Variants in AXDND1 observed in about 807,000 individuals in gnomAD.
AXDND1 encodes the protein axonemal dynein light chain domain containing 1, also known as axonemal dynein light chain domain-containing protein 1.
AXDND1 carries 110 observed loss-of-function variants against 137.5 expected under a neutral mutation model. That is an observed-to-expected ratio of 0.80 (90% confidence interval 0.69 to 0.94). The LOEUF (loss-of-function observed/expected upper bound fraction) is 0.94. Ranked by LOEUF, AXDND1 falls within the 40% of genes least tolerant of loss-of-function variation. The probability of loss-of-function intolerance (pLI) is 0.00; values close to 1 mark genes in which losing one functional copy is unlikely to be tolerated. For missense variants in AXDND1, 1,191 were observed against 1,169.8 expected (o/e 1.02, Z -0.26); for synonymous variants, 414 against 399.7 (o/e 1.04, Z -0.43).
intron 16 of AXDND1, among the ~76,000 whole-genome samples, chr1:179,465,195 A>G (rs939739650): frequency 1.3e-5 from 2 of 152,062 alleles, no homozygotes; most frequent in South Asian, 2.1e-4. Flanking sequence ...AGGAGAAGAG[A>G]TGCTCTGATT....
intron 20 of AXDND1, among the ~76,000 whole-genome samples, chr1:179,501,270 T>G (rs938834498): frequency 6.6e-6 from 1 of 152,174 alleles, no homozygotes; most frequent in Non-Finnish European, 1.5e-5. Flanking sequence ...ATTTTAAACT[T>G]CTTGTAAAGC....
At position 179,491,553 on chromosome 1, in the gene AXDND1, A is replaced by T; in HGVS notation, c.2107A>T (p.Ile703Leu). 6.2e-7 allele frequency: 1 copy of T among 1,604,644 alleles called. No homozygotes were observed. The highest frequency in any genetic ancestry group is 8.5e-7 in the Non-Finnish European group (1 of 1,171,884). Residue 703 changes from isoleucine (I) to leucine (L), a missense_variant, in exon 19 of 26, where the codon ATA (isoleucine) becomes TTA (leucine). Physicochemically the swap from Ile to Leu is conservative, Grantham distance 5. Coordinates refer to ENST00000367618, the MANE Select transcript of AXDND1 (RefSeq NM_144696.6). ...ELQHHMDELH[I>L]SMIQWMVNLL... ...TTTTTAACAGATGGATGAGTTACATATATCTATGATCCAGTGGATGGTAAA... is the reference window on the plus strand; with the variant it reads ...TTTTTAACAGATGGATGAGTTACATTTATCTATGATCCAGTGGATGGTAAA...
At chr1:179,366,833 G>T (rs549717302) in intron 2 of AXDND1, among the ~76,000 whole-genome samples, 62 of 152,050 alleles carry the variant, frequency 4.1e-4, no homozygotes, top group Non-Finnish European at 5.9e-4. Context: ...TTCAAATGTT[G>T]ATTTATATAT....
Position 179,509,664 on chromosome 1 carries a change from T to G in AXDND1, c.2496+261T>G, listed in dbSNP as rs145218707. 3.5e-3 allele frequency among the ~76,000 whole-genome samples: 531 copies of G among 152,296 alleles called. 3 individuals are homozygous for G. The highest frequency in any genetic ancestry group is 0.012 in the African/African-American group (503 of 41,554). ...GTTTCAGGTAGAAGCTCCCTGCCAC[T>G]TCCTGAGGCATATCCTCAGGTTCAT... is the stretch of plus-strand genomic sequence containing the variant. On this transcript the variant is annotated intron_variant, in intron 21 of 25. Transcript: ENST00000367618.
intron 23 of AXDND1, among the ~76,000 whole-genome samples, chr1:179,529,368 C>T (rs1212328589): frequency 1.3e-5 from 2 of 152,196 alleles, no homozygotes; most frequent in South Asian, 2.1e-4. Context: ...CTCTTGGCCC[C>T]CTACAAATTT....
chr1:179,453,264 A>G (rs1660807742), intron 16 of AXDND1: 1 of 152,240 alleles, frequency 6.6e-6, no homozygotes, highest in Non-Finnish European at 1.5e-5. Flanking sequence ...GGCACAGCCT[A>G]GTGGAGTTAT....
intron 12 of AXDND1, among the ~76,000 whole-genome samples, chr1:179,418,015 C>A (rs1289882842): frequency 7.1e-6 from 1 of 141,234 alleles, no homozygotes; most frequent in African/African-American, 2.6e-5. Context: ...TTTTATTGAT[C>A]ATTCTTGGGT....
At chr1:179,448,890 A>ATT (rs34365013) in intron 16 of AXDND1, 15 of 156,558 alleles carry the variant, frequency 9.6e-5, no homozygotes, top group South Asian at 3.1e-4. Flanking sequence ...TTTTGAGTTA[A>ATT]TTTTTTTTTT....
intron 15 of AXDND1, among the ~76,000 whole-genome samples, chr1:179,434,214 C>T (rs991583977): frequency 6.6e-6 from 1 of 151,860 alleles, no homozygotes; most frequent in Non-Finnish European, 1.5e-5. Flanking sequence ...TAATTAATAA[C>T]CTACCAACCA....
chr1:179,460,009 TC>T (rs201781379), intron 16 of AXDND1, among the ~76,000 whole-genome samples: 18,794 of 136,966 alleles, frequency 0.14, 1,448 homozygotes, highest in East Asian at 0.34. Flanking sequence ...CCTTCCTTCC[TC>T]TCCTTCCTTC....
At chr1:179,454,109 G>C (rs777095070) in intron 16 of AXDND1, 1 of 152,204 alleles carries the variant, frequency 6.6e-6, no homozygotes, top group Non-Finnish European at 1.5e-5. Flanking sequence ...AGATTTGGGA[G>C]GGGCCAGGGA....
rs116244955 is a variant in AXDND1 at position 179,442,282 on chromosome 1, C to T, written c.1564-2688C>T. On this transcript the variant is annotated intron_variant, in intron 15 of 25. Coordinates refer to ENST00000367618, the MANE Select transcript of AXDND1 (RefSeq NM_144696.6). ...TTTTCAATTGGAGCTGTGGGTGGGA[C>T]GACAGATTCTTTCAGATTTTTAGAT... Among the ~76,000 whole-genome samples the T allele has an allele frequency of 5.2e-3, 785 of 152,270 alleles. 6 individuals carry two copies. The highest frequency in any genetic ancestry group is 0.018 in the African/African-American group (738 of 41,548).
intron 21 of AXDND1, among the ~76,000 whole-genome samples, chr1:179,511,394 GT>G (rs1669046240): frequency 9.6e-5 from 1 of 10,452 alleles, no homozygotes; most frequent in African/African-American, 2.4e-4. Flanking sequence ...GGTATATGGG[GT>G]GTGTGTGTGT....
intron 16 of AXDND1, among the ~76,000 whole-genome samples, chr1:179,461,781 G>A (rs1055690947): frequency 1.3e-5 from 2 of 152,110 alleles, no homozygotes; most frequent in Non-Finnish European, 2.9e-5. Flanking sequence ...CTTGTAAGTT[G>A]GATTCCTAGG....
chr1:179,553,907 G>A (rs1270940441), intron 25 of AXDND1, among the ~76,000 whole-genome samples: 1 of 140,744 alleles, frequency 7.1e-6, no homozygotes, highest in Non-Finnish European at 1.5e-5. Flanking sequence ...CAACACCCCT[G>A]GCTAATTTTT....
At chr1:179,484,874 A>G (rs142531557) in intron 18 of AXDND1, among the ~76,000 whole-genome samples, 1 of 152,288 alleles carries the variant, frequency 6.6e-6, no homozygotes, top group Non-Finnish European at 1.5e-5. Context: ...CTGCACTGCC[A>G]TTGCCATTGG....
rs752808405 is a variant in AXDND1 at position 179,378,777 on chromosome 1, A to T, written c.495+20A>T. The stretch of plus-strand genomic sequence containing the variant: ...CATAAGGTAAATAAAGTATTTGACA[A>T]ATAATCTTCTCTCCCTCTGTCTACT... On this transcript the variant is annotated intron_variant, in intron 5 of 25. Coordinates refer to ENST00000367618, the MANE Select transcript of AXDND1 (RefSeq NM_144696.6). 6.8e-7 allele frequency: 1 copy of T among 1,474,842 alleles called. No individual in the cohort carries two copies. Among genetic ancestry groups the T allele is most frequent in the South Asian group, 1.6e-5 (1 of 61,222 alleles). The allele number at this position is 1,474,842 out of a possible 1,614,324, so 91.4% of individuals were successfully genotyped here.
chr1:179,429,153 G>A (rs1196022464), intron 12 of AXDND1, among the ~76,000 whole-genome samples: 1 of 150,998 alleles, frequency 6.6e-6, no homozygotes, highest in Non-Finnish European at 1.5e-5. Context: ...CTCCAACCTG[G>A]GTGACAGAGC....
chr1:179,443,045 G>A (rs1659230669), intron 15 of AXDND1, among the ~76,000 whole-genome samples: 1 of 152,138 alleles, frequency 6.6e-6, no homozygotes, highest in Admixed American at 6.6e-5. Context: ...TTCACAGCAG[G>A]CTTGTGAGAC....
Sources: allele counts gnomAD v4.1 joint callset (sites outside exome capture counted in the v4.1 genomes callset), GRCh38; gene constraint gnomAD v4.1.1; transcripts MANE v1.5; gene names NCBI Gene and HGNC (gene_info 2026-07-23, HGNC 2026-07-21).